The following SCFD2 variants were observed in gnomAD, a reference collection of about 807,000 sequenced individuals.
SCFD2 encodes sec1 family domain-containing protein 2.
In SCFD2, 54 loss-of-function variants were observed where a neutral mutation model predicts 58.9. The observed-to-expected ratio is 0.92, with a 90% confidence interval of 0.74 to 1.15. The LOEUF (loss-of-function observed/expected upper bound fraction) is 1.15. Among genes scored for constraint, SCFD2 ranks in the 50% most tolerant of loss-of-function variants. SCFD2 has a pLI of 0.00. For missense variants in SCFD2, 805 were observed against 836.6 expected (o/e 0.96, Z 0.47); for synonymous variants, 321 against 335.9 (o/e 0.96, Z 0.49).
At chr4:53,034,780 C>T (rs1722714239) in intron 5 of SCFD2, among the ~76,000 whole-genome samples, 1 of 152,068 alleles carries the variant, frequency 6.6e-6, no homozygotes, top group South Asian at 2.1e-4. Context: ...ATGTGAAGGA[C>T]CTCTTCAAGG....
At chr4:53,200,982 T>C (rs1193163669) in intron 4 of SCFD2, among the ~76,000 whole-genome samples, 2 of 149,270 alleles carry the variant, frequency 1.3e-5, no homozygotes, top group Non-Finnish European at 3.0e-5. Context: ...TGATTTATAA[T>C]ACAAATATTA....
intron 4 of SCFD2, among the ~76,000 whole-genome samples, chr4:53,179,733 A>G (rs1011015514): frequency 1.3e-5 from 2 of 152,202 alleles, no homozygotes; most frequent in African/African-American, 4.8e-5. Flanking sequence ...AAGACCCATC[A>G]GTGTGCTGTA....
chr4:53,251,740 A>G lies in SCFD2; in HGVS notation c.1311+22086T>C, dbSNP rs1292359260. Among the ~76,000 whole-genome samples, 4 of 152,162 alleles carry G rather than the reference A, an allele frequency of 2.6e-5. No individual in the cohort carries two copies. In the South Asian group the frequency reaches 8.3e-4, roughly 32 times the overall value. ...GTATTGATGGGACGTATCTCAAAAT[A>G]ATAAGAGCTATCTATGACAAACCCA... On this transcript the variant is annotated intron_variant, in intron 4 of 8. Transcript: ENST00000401642.
chr4:53,207,031 G>T (rs1460428192), intron 4 of SCFD2, among the ~76,000 whole-genome samples: 1 of 151,992 alleles, frequency 6.6e-6, no homozygotes, highest in Middle Eastern at 3.2e-3. Context: ...TAACATGGTG[G>T]CAGGTATGGC....
At chr4:53,048,802 G>A (rs748761093) in intron 5 of SCFD2, among the ~76,000 whole-genome samples, 6 of 152,038 alleles carry the variant, frequency 3.9e-5, no homozygotes, top group Non-Finnish European at 8.8e-5. Context: ...AACTCCCAGT[G>A]CCCCTTCTTG....
chr4:53,316,895 G>C (rs2149114842), intron 2 of SCFD2, among the ~76,000 whole-genome samples: 1 of 152,136 alleles, frequency 6.6e-6, no homozygotes, highest in South Asian at 2.1e-4. Context: ...AGATCACAAG[G>C]TCAGGAGTTT....
intron 5 of SCFD2, among the ~76,000 whole-genome samples, chr4:53,116,326 A>T (rs1384235161): frequency 6.6e-6 from 1 of 152,190 alleles, no homozygotes; most frequent in East Asian, 1.9e-4. Context: ...TCATGCATCT[A>T]AGCTGATGAA....
chr4:52,940,637 C>T (rs950315125), intron 5 of SCFD2, among the ~76,000 whole-genome samples: 2 of 152,230 alleles, frequency 1.3e-5, no homozygotes, highest in Admixed American at 6.5e-5. Flanking sequence ...AACCACTGCT[C>T]GTAAGTTCGG....
chr4:53,351,005 T>C (rs1462169879), intron 2 of SCFD2, among the ~76,000 whole-genome samples: 2 of 152,228 alleles, frequency 1.3e-5, no homozygotes, highest in East Asian at 3.8e-4. Context: ...CCATTGTACC[T>C]GGCCTAAAGT....
chr4:53,301,950 C>T (rs1732319885), intron 3 of SCFD2, among the ~76,000 whole-genome samples: 1 of 152,134 alleles, frequency 6.6e-6, no homozygotes, highest in Non-Finnish European at 1.5e-5. Context: ...TGGGACGTAT[C>T]TCAAAATAAT....
At chr4:52,887,766 C>G (rs1718772595) in intron 7 of SCFD2, among the ~76,000 whole-genome samples, 1 of 152,184 alleles carries the variant, frequency 6.6e-6, no homozygotes, top group African/African-American at 2.4e-5. Flanking sequence ...GGGTCACAGG[C>G]AGTCCCGAGG....
chr4:52,937,514 C>T (rs1720170892), intron 5 of SCFD2, among the ~76,000 whole-genome samples: 1 of 152,218 alleles, frequency 6.6e-6, no homozygotes, highest in Admixed American at 6.5e-5. Context: ...ACAAGCTCTG[C>T]ACTTCACATG....
At chr4:53,323,499 G>A (rs1445006087) in intron 2 of SCFD2, among the ~76,000 whole-genome samples, 1 of 150,368 alleles carries the variant, frequency 6.7e-6, no homozygotes, top group Non-Finnish European at 1.5e-5. Flanking sequence ...GAGTAGCCAG[G>A]ACTACAGGTG....
intron 4 of SCFD2, among the ~76,000 whole-genome samples, chr4:53,232,297 CTACA>C (rs1454936296): frequency 2.2e-4 from 33 of 152,196 alleles, no homozygotes; most frequent in African/African-American, 7.7e-4. Flanking sequence ...TCTAGTAAAA[CTACA>C]ATAAAGATTT....
At chr4:53,241,396 G>A (rs1349691511) in intron 4 of SCFD2, among the ~76,000 whole-genome samples, 2 of 152,166 alleles carry the variant, frequency 1.3e-5, no homozygotes, top group Non-Finnish European at 2.9e-5. Context: ...CCATGAGACA[G>A]GGCCAGTCCA....
At position 53,103,912 on chromosome 4, in the gene SCFD2, A is replaced by AAG. The variant is rs1553876609; in HGVS notation, c.1561+41420_1561+41421insCT. Among the ~76,000 whole-genome samples, 44 of 149,340 alleles carry AAG rather than the reference A, an allele frequency of 2.9e-4. 1 individual carries two copies. The highest frequency in any genetic ancestry group is 9.5e-4 in the African/African-American group (38 of 39,804). ...CAATATGAGCTAAAAAAAAAAAAAA[A>AAG]AAAAGAAAATGACGTATTGGAGTAT... On this transcript the variant is annotated intron_variant, in intron 5 of 8. Transcript: ENST00000401642.
At chr4:52,971,829 T>A (rs1471592823) in intron 5 of SCFD2, among the ~76,000 whole-genome samples, 2 of 152,128 alleles carry the variant, frequency 1.3e-5, no homozygotes, top group African/African-American at 4.8e-5. Context: ...CCGCAGAAAC[T>A]CTACAAGCCA....
chr4:53,144,953 A>G (rs1274641742), intron 5 of SCFD2, among the ~76,000 whole-genome samples: 1 of 152,206 alleles, frequency 6.6e-6, no homozygotes, highest in Admixed American at 6.5e-5. Flanking sequence ...GCAAGCAAGC[A>G]TTACTGCCTG....
intron 4 of SCFD2, among the ~76,000 whole-genome samples, chr4:53,265,168 T>G (rs1730945901): frequency 6.6e-6 from 1 of 152,192 alleles, no homozygotes; most frequent in Non-Finnish European, 1.5e-5. Flanking sequence ...TTCCTTGTAT[T>G]ACTCTTCAGT....
Sources: gnomAD v4.1 joint callset for allele counts (sites outside exome capture counted in the v4.1 genomes callset) on GRCh38, gnomAD v4.1.1 for gene constraint, MANE v1.5 for transcripts, NCBI Gene and HGNC (gene_info 2026-07-23, HGNC 2026-07-21) for gene names.